The following SRP68 variants were observed in gnomAD, a reference collection of about 807,000 sequenced individuals.
SRP68 encodes signal recognition particle subunit SRP68.
Under a neutral mutation model 82.2 loss-of-function variants are expected in SRP68, and 15 were observed. The ratio of observed to expected loss-of-function variants is 0.18; its 90% CI spans 0.12 to 0.28. The LOEUF (loss-of-function observed/expected upper bound fraction) is 0.28. SRP68 is among the 10% of genes least tolerant of loss of function. The pLI, the probability that SRP68 is intolerant of heterozygous loss-of-function variation, is 1.00. For synonymous variants in SRP68, 261 were observed against 292.6 expected, an observed-to-expected ratio of 0.89 and a Z score of 1.10; for missense variants, 595 against 780.5, an observed-to-expected ratio of 0.76 and a Z score of 2.83.
chr17:76,048,354 C>G (rs754388729), intron 9 of SRP68: 1 of 154,130 alleles, frequency 6.5e-6, no homozygotes, highest in Non-Finnish European at 1.4e-5. Flanking sequence ...TGTGGCTGGC[C>G]GAATAACATA....
chr17:76,070,583 G>T, intron 1 of SRP68, 139 bp from the exon 2 acceptor site: 1 of 752,282 alleles, frequency 1.3e-6, no homozygotes, highest in Non-Finnish European at 2.3e-6. Context: ...GCTCATGCCT[G>T]TAATCCCAGC....
In SRP68 at chr17:76,060,337, T is replaced by C. The variant is rs150793464; in HGVS notation, c.808A>G (p.Thr270Ala). ...LMQMRLRSGG[T>A]EGLLAEKLEA... ...AATTTTTCAGCCAAGAGACCCTCAG[T>C]GCCCCCAGACCTCAATCTCATCTGC... Residue 270 changes from threonine to alanine, a missense_variant, in exon 7 of 16, where the codon ACT (threonine) becomes GCT (alanine). Coordinates refer to ENST00000307877, the MANE Select transcript of SRP68 (RefSeq NM_014230.4). The C allele has an allele frequency of 3.5e-3, 5,563 of 1,611,434 alleles. 18 individuals are homozygous for C. Among genetic ancestry groups the C allele is most frequent in the Non-Finnish European group, 4.5e-3 (5,285 of 1,179,372 alleles).
At position 76,050,478 on chromosome 17, in the gene SRP68, C is replaced by T; in HGVS notation, c.1027G>A (p.Glu343Lys). The T allele has an allele frequency of 6.2e-7, 1 of 1,613,818 alleles. No homozygotes were observed. Among genetic ancestry groups the T allele is most frequent in the Non-Finnish European group, 8.5e-7 (1 of 1,179,938 alleles). ...KERLFESMLS[E>K]CRDAIQVVRE... ...ACCACCTGGATGGCGTCCCGACACTCGCTGAGCATTGATTCAAACAGGCGC... is the reference window on the plus strand; with the variant it reads ...ACCACCTGGATGGCGTCCCGACACTTGCTGAGCATTGATTCAAACAGGCGC... Residue 343 changes from glutamate (E) to lysine (K), a missense_variant, in exon 9 of 16, where the codon GAG (glutamate) becomes AAG (lysine). Physicochemically the swap from Glu to Lys is moderately conservative, Grantham distance 56. Coordinates refer to ENST00000307877, the MANE Select transcript of SRP68 (RefSeq NM_014230.4).
At chr17:76,044,665 T>A (rs2066616465) in intron 12 of SRP68, 1 of 152,378 alleles carries the variant, frequency 6.6e-6, no homozygotes, top group Non-Finnish European at 1.5e-5. Flanking sequence ...CCACACTGGT[T>A]CTGCTAATTA....
intron 7 of SRP68, among the ~76,000 whole-genome samples, 157 bp downstream of exon 7, chr17:76,060,140 AAAAAAAAAAAG>A (rs1255963378): frequency 1.3e-5 from 2 of 150,200 alleles, no homozygotes; most frequent in Non-Finnish European, 2.9e-5. Flanking sequence ...AAAAAAAAAA[AAAAAAAAAAAG>A]AAAAAGTTTT....
intron 1 of SRP68, among the ~76,000 whole-genome samples, chr17:76,070,823 G>A (rs147878387): frequency 2.1e-4 from 32 of 149,346 alleles, no homozygotes; most frequent in East Asian, 9.9e-4. Context: ...GCCTAGGTGA[G>A]AGTGAGATTC....
intron 10 of SRP68, among the ~76,000 whole-genome samples, chr17:76,047,620 C>T (rs900546120): frequency 2.6e-5 from 4 of 151,754 alleles, no homozygotes; most frequent in Non-Finnish European, 4.4e-5. Context: ...CCCATCTCTA[C>T]AAAACAAATA....
At position 76,061,166 on chromosome 17, in the gene SRP68, T is replaced by C. The variant is rs1459130324; in HGVS notation, c.698A>G (p.Tyr233Cys). The C allele has an allele frequency of 6.2e-7, 1 of 1,613,992 alleles. No homozygotes were observed. The highest frequency in any genetic ancestry group is 8.5e-7 in the Non-Finnish European group (1 of 1,179,942). The change falls in exon 6 of 16, where the codon TAT (tyrosine) becomes TGT (cysteine). Residue 233 changes from tyrosine (Y) to cysteine (C), a missense_variant. Physicochemically the swap from Tyr to Cys is radical, Grantham distance 194 (BLOSUM62 -2). Around this residue, in one of 2 missense-constraint regions of SRP68, gnomAD observed 495 missense variants for 688.6 expected, o/e 0.72. Coordinates refer to ENST00000307877, the MANE Select transcript of SRP68 (RefSeq NM_014230.4). ...SAFTEEQAVLYNQRVEEISPN... is the reference protein window; with the variant it reads ...SAFTEEQAVLCNQRVEEISPN... ...TGAAATCTCTTCCACACGTTGGTTATACAGCACAGCCTGCTCCTCTGTGAA... is the reference window on the plus strand; with the variant it reads ...TGAAATCTCTTCCACACGTTGGTTACACAGCACAGCCTGCTCCTCTGTGAA...
intron 2 of SRP68, 91 bp from the exon 3 acceptor site, chr17:76,067,421 G>A (rs549205111): frequency 2.3e-6 from 2 of 867,636 alleles, no homozygotes; most frequent in African/African-American, 3.4e-5. Flanking sequence ...AGGGTCAATG[G>A]TTTGGGATAT....
chr17:76,067,628 C>G (rs183038749), intron 2 of SRP68, among the ~76,000 whole-genome samples: 97 of 152,150 alleles, frequency 6.4e-4, no homozygotes, highest in African/African-American at 2.2e-3. Context: ...CCACACATGG[C>G]TAATTTTTGT....
At position 76,056,961 on chromosome 17, in the gene SRP68, T is replaced by G. The variant is rs114604483; in HGVS notation, c.978+442A>C. On this transcript the variant is annotated intron_variant, in intron 8 of 15. Transcript: ENST00000307877. Reference sequence around the variant, plus strand: ...ATAACAGTTTTGCATGAATATTACATGTACACCGCACACAAAACAAGACAT... The same window carrying G: ...ATAACAGTTTTGCATGAATATTACAGGTACACCGCACACAAAACAAGACAT... Among the ~76,000 whole-genome samples, 1,417 of 152,334 alleles carry G rather than the reference T, an allele frequency of 9.3e-3. 18 individuals are homozygous for G. Among genetic ancestry groups the G allele is most frequent in the African/African-American group, 0.033 (1,364 of 41,586 alleles).
intron 2 of SRP68, among the ~76,000 whole-genome samples, chr17:76,068,556 C>A (rs1211093937): frequency 6.6e-6 from 1 of 151,768 alleles, no homozygotes; most frequent in Admixed American, 6.6e-5. Context: ...AAGATGACAC[C>A]AAACATATGG....
chr17:76,062,657 T>G (rs1372156432), intron 4 of SRP68, among the ~76,000 whole-genome samples: 1 of 26,384 alleles, frequency 3.8e-5, no homozygotes, highest in African/African-American at 9.0e-4. Flanking sequence ...ACATTATATA[T>G]TATATAATAT....
intron 2 of SRP68, among the ~76,000 whole-genome samples, 176 bp downstream of exon 2, chr17:76,070,202 G>A (rs2066838910): frequency 1.5e-5 from 2 of 129,504 alleles, no homozygotes; most frequent in South Asian, 2.4e-4. Flanking sequence ...CCAGCCTGGC[G>A]ACAGAGCGAG....
Position 76,071,667 on chromosome 17 carries a change from A to G in SRP68, c.184+641T>C, listed in dbSNP as rs1481650814. Among the ~76,000 whole-genome samples, 1 of 152,246 alleles carries G rather than the reference A, an allele frequency of 6.6e-6. No homozygotes were observed. Among genetic ancestry groups the G allele is most frequent in the East Asian group, 1.9e-4 (1 of 5,206 alleles). ...TTCTCCATTTGTTATTCATTTCAAA[A>G]GGTCACAAACTAGTACCACAAGCAC... On this transcript the variant is annotated intron_variant, in intron 1 of 15. Coordinates refer to ENST00000307877, the MANE Select transcript of SRP68 (RefSeq NM_014230.4). This position sits in a 1 kb window ranked among gnomAD's most constrained non-coding sequence, Gnocchi z 4.7.
chr17:76,043,961 G>A lies in SRP68; in HGVS notation c.1395-3C>T, dbSNP rs772623412. On this transcript the variant is annotated splice_region_variant and splice_polypyrimidine_tract_variant and intron_variant, in intron 12 of 15. Transcript: ENST00000307877. ...AGGACTGAGCAATGAAAAAACACCTGATGGGGAGGGAAAAGAGCCACAATA... is the reference window on the plus strand; with the variant it reads ...AGGACTGAGCAATGAAAAAACACCTAATGGGGAGGGAAAAGAGCCACAATA... The A allele has an allele frequency of 6.3e-7, 1 of 1,598,950 alleles. No homozygotes were observed. The highest frequency in any genetic ancestry group is 2.3e-5 in the East Asian group (1 of 44,268).
At chr17:76,040,002 G>T in intron 15 of SRP68, 69 bp from the exon 16 acceptor site, 2 of 1,487,204 alleles carry the variant, frequency 1.3e-6, no homozygotes, top group Non-Finnish European at 1.8e-6. Context: ...ATTCCTGAGT[G>T]CCGACTGCCT....
chr17:76,070,374 T>C lies in SRP68; in HGVS notation c.251+4A>G, dbSNP rs927947175. 1 of 1,613,034 alleles carries C rather than the reference T, an allele frequency of 6.2e-7. No individual in the cohort carries two copies. Among genetic ancestry groups the C allele is most frequent in the Non-Finnish European group, 8.5e-7 (1 of 1,179,024 alleles). The stretch of plus-strand genomic sequence containing the variant: ...TTTCCAAACATCTTGTATGTGATAC[T>C]AACCTGTACCTCTGAAAATCTCCAT... On this transcript the variant is annotated splice_donor_region_variant and intron_variant, in intron 2 of 15. Coordinates refer to ENST00000307877, the MANE Select transcript of SRP68 (RefSeq NM_014230.4).
intron 9 of SRP68, chr17:76,049,119 G>T (rs1326439079): frequency 6.6e-6 from 1 of 152,252 alleles, no homozygotes; most frequent in Non-Finnish European, 1.5e-5. Flanking sequence ...GAGTTCTGGA[G>T]ATGGACTGTT....
Sources: gnomAD v4.1 joint callset for allele counts (sites outside exome capture counted in the v4.1 genomes callset) on GRCh38, gnomAD v4.1.1 for gene constraint, gnomAD v4.1.1 regional missense constraint, Gnocchi (gnomAD v3.1) non-coding constraint, MANE v1.5 for transcripts, NCBI Gene and HGNC (gene_info 2026-07-23, HGNC 2026-07-21) for gene names.